DNAH9: variants seen among roughly 807,000 people sequenced by gnomAD.
The protein encoded by DNAH9 is dynein axonemal heavy chain 9, also known as DNAH9 variant protein.
DNAH9 carries 345 observed loss-of-function variants against 471.6 expected under a neutral mutation model. The ratio of observed to expected loss-of-function variants is 0.73; its 90% CI spans 0.67 to 0.80. DNAH9 has a LOEUF of 0.80. Ranked by LOEUF, DNAH9 falls within the 30% of genes least tolerant of loss-of-function variation. DNAH9 has a pLI of 0.00. For missense variants in DNAH9, 5,407 were observed against 5,609.2 expected (o/e 0.96, Z 1.15); for synonymous variants, 2,093 against 2,123.6 (o/e 0.99, Z 0.40).
intron 42 of DNAH9, among the ~76,000 whole-genome samples, chr17:11,795,737 A>G (rs1969217149): frequency 6.6e-6 from 1 of 152,176 alleles, no homozygotes; most frequent in African/African-American, 2.4e-5. Context: ...AGTCGGTCTG[A>G]GCTAGCACTT....
chr17:11,964,702 G>A (rs758091053), intron 68 of DNAH9, among the ~76,000 whole-genome samples: 1 of 152,144 alleles, frequency 6.6e-6, no homozygotes, highest in Non-Finnish European at 1.5e-5. Context: ...ACAGTCTATG[G>A]CCTTTTAACT....
intron 4 of DNAH9, among the ~76,000 whole-genome samples, chr17:11,616,822 C>T (rs2072756554): frequency 1.3e-5 from 2 of 152,324 alleles, no homozygotes. Flanking sequence ...GAACATCACA[C>T]ATCTGTGACT....
intron 67 of DNAH9, among the ~76,000 whole-genome samples, chr17:11,948,377 T>C (rs9900032): frequency 0.46 from 69,428 of 151,416 alleles, 16,238 homozygotes; most frequent in Middle Eastern, 0.56. Flanking sequence ...TACAGGTGCC[T>C]GCCACCGTGC....
intron 27 of DNAH9, among the ~76,000 whole-genome samples, chr17:11,725,915 C>G (rs1272452379): frequency 6.6e-6 from 1 of 152,114 alleles, no homozygotes; most frequent in Non-Finnish European, 1.5e-5. Context: ...TCCAACCTAG[C>G]CTATGTGGCA....
At chr17:11,863,505 G>C (rs543476155) in intron 50 of DNAH9, among the ~76,000 whole-genome samples, 1 of 152,164 alleles carries the variant, frequency 6.6e-6, no homozygotes, top group African/African-American at 2.4e-5. Flanking sequence ...GTCTCTGCCC[G>C]ACTTTGGTAT....
intron 19 of DNAH9, among the ~76,000 whole-genome samples, chr17:11,688,597 G>C (rs531096887): frequency 2.0e-5 from 3 of 152,330 alleles, no homozygotes; most frequent in African/African-American, 7.2e-5. Context: ...CACCATCCTG[G>C]CAAATGGAAA....
At chr17:11,663,914 T>C (rs2073820582) in intron 14 of DNAH9, among the ~76,000 whole-genome samples, 1 of 152,202 alleles carries the variant, frequency 6.6e-6, no homozygotes, top group Non-Finnish European at 1.5e-5. Context: ...AAGGTGTAGG[T>C]ATTGCATCTT....
chr17:11,778,100 T>TGCTG (rs1334508849), intron 38 of DNAH9, among the ~76,000 whole-genome samples: 1 of 151,666 alleles, frequency 6.6e-6, no homozygotes, highest in Non-Finnish European at 1.5e-5. Context: ...AATAAACACC[T>TGCTG]GCTGGGGTAT....
intron 4 of DNAH9, 57 bp from the exon 5 acceptor site, chr17:11,617,354 C>T: frequency 7.8e-7 from 1 of 1,274,864 alleles, no homozygotes. Context: ...ACTAGGGCTC[C>T]ACCAGGTGGG....
intron 48 of DNAH9, among the ~76,000 whole-genome samples, chr17:11,825,309 C>T (rs1440746950): frequency 6.6e-6 from 1 of 152,162 alleles, no homozygotes; most frequent in African/African-American, 2.4e-5. Flanking sequence ...TTCCACCTCC[C>T]CATTGTGCTT....
intron 48 of DNAH9, 104 bp downstream of exon 48, chr17:11,823,138 T>A: frequency 2.0e-6 from 2 of 984,920 alleles, no homozygotes; most frequent in Non-Finnish European, 1.5e-6. Flanking sequence ...GAAAAATATG[T>A]ACGGTTTTCC....
chr17:11,721,031 G>GAAA (rs1567748512), intron 27 of DNAH9, among the ~76,000 whole-genome samples: 1 of 151,612 alleles, frequency 6.6e-6, no homozygotes, highest in Non-Finnish European at 1.5e-5. Flanking sequence ...CTCCCAAAGG[G>GAAA]AACATTGTGA....
chr17:11,639,708 T>A (rs1178404456), intron 9 of DNAH9, among the ~76,000 whole-genome samples: 1 of 152,110 alleles, frequency 6.6e-6, no homozygotes, highest in Non-Finnish European at 1.5e-5. Flanking sequence ...TGAGAGCGTT[T>A]TAAAAAAACA....
chr17:11,908,309 T>C (rs758920199), intron 61 of DNAH9, among the ~76,000 whole-genome samples: 21 of 152,248 alleles, frequency 1.4e-4, no homozygotes, highest in Non-Finnish European at 2.9e-4. Context: ...AAAACAAATT[T>C]TTTAATTGAC....
intron 50 of DNAH9, among the ~76,000 whole-genome samples, chr17:11,857,351 T>C (rs1439115029): frequency 2.0e-5 from 3 of 152,126 alleles, no homozygotes; most frequent in Non-Finnish European, 4.4e-5. Context: ...CTCTCCATCC[T>C]CCACTTATAC....
intron 66 of DNAH9, among the ~76,000 whole-genome samples, chr17:11,940,754 C>A (rs1353642743): frequency 6.6e-6 from 1 of 152,194 alleles, no homozygotes; most frequent in African/African-American, 2.4e-5. Context: ...ATCTTCACAT[C>A]AACTCTGGGA....
intron 9 of DNAH9, among the ~76,000 whole-genome samples, chr17:11,639,232 G>A (rs146077299): frequency 1.3e-4 from 20 of 152,258 alleles, no homozygotes; most frequent in African/African-American, 4.6e-4. Context: ...TATCATGGAG[G>A]ACAAGCAGGA....
Position 11,680,749 on chromosome 17 carries a change from A to T in DNAH9, c.3603A>T (p.Ile1201=). ...AGCTGCCTGAGAAATGGAACAACAT[A>T]AAAAAGGTGGCCATTACTGTGAAGC... ...LEELPEKWNN[I]KKVAITVKQQ... Residue 1201 remains isoleucine, a synonymous_variant, in exon 19 of 69, where the codon ATA becomes ATT. Coordinates refer to ENST00000262442, the MANE Select transcript of DNAH9 (RefSeq NM_001372.4). 1.2e-6 allele frequency: 2 copies of T among 1,613,916 alleles called. No homozygotes were observed. The highest frequency in any genetic ancestry group is 2.7e-5 in the African/African-American group (2 of 75,050).
intron 39 of DNAH9, 39 bp downstream of exon 39, chr17:11,781,213 A>G (rs780137218): frequency 6.3e-7 from 1 of 1,598,346 alleles, no homozygotes; most frequent in Non-Finnish European, 8.5e-7. Context: ...CCAAGGGAGC[A>G]GAGCCTAAGG....
Sources: gnomAD v4.1 joint callset for allele counts (sites outside exome capture counted in the v4.1 genomes callset) on GRCh38, gnomAD v4.1.1 for gene constraint, MANE v1.5 for transcripts, NCBI Gene and HGNC (gene_info 2026-07-23, HGNC 2026-07-21) for gene names.